Variants in ABI3BP observed in about 807,000 individuals in gnomAD.
ABI3BP encodes ABI family member 3 binding protein.
A neutral mutation model predicts 268.6 loss-of-function variants in ABI3BP; 216 were observed. That is an observed-to-expected ratio of 0.80 (90% CI 0.72 to 0.90). The LOEUF (loss-of-function observed/expected upper bound fraction) is 0.90, where lower values mean the gene tolerates loss of function less well. Among genes scored for constraint, ABI3BP ranks in the 40% least tolerant of loss-of-function variants. The probability of loss-of-function intolerance (pLI) is 0.00; values close to 1 mark genes in which losing one functional copy is unlikely to be tolerated. For synonymous variants in ABI3BP, 730 were observed against 730.0 expected, an observed-to-expected ratio of 1.00 and a Z score of 0.00; for missense variants, 2,090 against 2,182.4, an observed-to-expected ratio of 0.96 and a Z score of 0.84.
intron 60 of ABI3BP, 47 bp downstream of exon 60, chr3:100,775,160 T>A (rs1194398366): frequency 6.3e-7 from 1 of 1,590,652 alleles, no homozygotes; most frequent in East Asian, 2.2e-5. Flanking sequence ...TAAAATCTTT[T>A]GCACCTCACA....
At chr3:100,956,731 T>C (rs752965084) in intron 1 of ABI3BP, among the ~76,000 whole-genome samples, 4 of 151,902 alleles carry the variant, frequency 2.6e-5, no homozygotes, top group African/African-American at 4.8e-5. Context: ...CAATCTTTGA[T>C]AGATAGAGGA....
intron 57 of ABI3BP, 92 bp from the exon 58 acceptor site, chr3:100,780,301 G>A: frequency 8.3e-7 from 1 of 1,201,948 alleles, no homozygotes; most frequent in Non-Finnish European, 1.2e-6. Flanking sequence ...TACATTCTTT[G>A]CAGAGCAGGA....
intron 51 of ABI3BP, among the ~76,000 whole-genome samples, chr3:100,796,980 G>A (rs944312155): frequency 6.6e-6 from 1 of 152,018 alleles, no homozygotes; most frequent in Non-Finnish European, 1.5e-5. Context: ...CCGTTGCTGG[G>A]GGGAGAAAAT....
intron 17 of ABI3BP, 71 bp from the exon 18 acceptor site, chr3:100,848,946 T>C: frequency 7.4e-7 from 1 of 1,348,004 alleles, no homozygotes; most frequent in Middle Eastern, 1.8e-4. Context: ...GCCTGTAAAT[T>C]TGCAAACTCC....
At chr3:100,974,065 C>T (rs2084937678) in intron 1 of ABI3BP, among the ~76,000 whole-genome samples, 2 of 152,040 alleles carry the variant, frequency 1.3e-5, no homozygotes, top group African/African-American at 4.8e-5. Context: ...CTGACTCTTT[C>T]CTATTAGCAG....
At chr3:100,957,127 C>T (rs2077098272) in intron 1 of ABI3BP, among the ~76,000 whole-genome samples, 1 of 152,146 alleles carries the variant, frequency 6.6e-6, no homozygotes, top group East Asian at 1.9e-4. Flanking sequence ...ATTTAGGAAA[C>T]TATAGCAATA....
rs766536000 is a variant in ABI3BP, at chr3:100,862,282, C to T, written c.1285+29G>A. 9 of 1,469,316 alleles carry T rather than the reference C, an allele frequency of 6.1e-6. No individual in the cohort carries two copies. In the East Asian group the frequency reaches 1.2e-4, roughly 19 times the overall value. 91.0% of individuals were successfully genotyped at this position (1,469,316 alleles called of 1,614,324 possible). ...GTTACTCAATATTCCTTGTTATAATCGATTTTTTTAAGAAAAGGATTTAAT... is the reference window on the plus strand; with the variant it reads ...GTTACTCAATATTCCTTGTTATAATTGATTTTTTTAAGAAAAGGATTTAAT... On this transcript the variant is annotated intron_variant, in intron 14 of 67. Coordinates refer to ENST00000471714, the MANE Select transcript of ABI3BP (RefSeq NM_001375547.2).
chr3:100,955,038 G>A (rs1269956364), intron 1 of ABI3BP, among the ~76,000 whole-genome samples: 4 of 145,368 alleles, frequency 2.8e-5, no homozygotes, highest in Non-Finnish European at 3.0e-5. Context: ...GATTGGGCAG[G>A]GAAAGTAAGA....
chr3:100,933,366 C>G (rs1244320645), intron 1 of ABI3BP, among the ~76,000 whole-genome samples: 2 of 151,664 alleles, frequency 1.3e-5, no homozygotes, highest in African/African-American at 2.4e-5. Flanking sequence ...CTATTCTTAT[C>G]CATAGTGTGT....
intron 1 of ABI3BP, among the ~76,000 whole-genome samples, chr3:100,992,300 T>C (rs1443649020): frequency 6.6e-6 from 1 of 152,224 alleles, no homozygotes; most frequent in Non-Finnish European, 1.5e-5. Flanking sequence ...TGGGACAAGA[T>C]GATCCTGGGG....
chr3:100,920,873 G>C (rs1288295317), intron 2 of ABI3BP, among the ~76,000 whole-genome samples: 2 of 152,130 alleles, frequency 1.3e-5, no homozygotes, highest in Non-Finnish European at 2.9e-5. Flanking sequence ...TTGAACCCAG[G>C]TCTGTCTGAC....
chr3:100,945,323 G>T (rs2071593022), intron 1 of ABI3BP, among the ~76,000 whole-genome samples: 1 of 152,028 alleles, frequency 6.6e-6, no homozygotes, highest in South Asian at 2.1e-4. Context: ...AACAGCTCTA[G>T]TGAGATATAA....
chr3:100,795,498 G>C (rs2097319716), intron 53 of ABI3BP, among the ~76,000 whole-genome samples: 1 of 151,950 alleles, frequency 6.6e-6, no homozygotes, highest in Non-Finnish European at 1.5e-5. Context: ...TTACAGCTGA[G>C]AACCACTAAA....
At chr3:100,916,373 G>A (rs770674131) in intron 2 of ABI3BP, among the ~76,000 whole-genome samples, 2 of 152,196 alleles carry the variant, frequency 1.3e-5, no homozygotes, top group Non-Finnish European at 2.9e-5. Context: ...TAGGAGTGGG[G>A]AGTCAGGAAT....
chr3:100,936,913 C>G (rs1187658431), intron 1 of ABI3BP, among the ~76,000 whole-genome samples: 1 of 151,870 alleles, frequency 6.6e-6, no homozygotes, highest in African/African-American at 2.4e-5. Flanking sequence ...TTTTGTTGAT[C>G]TTTTCAAAGA....
At chr3:100,752,692 G>T in intron 66 of ABI3BP, 95 bp downstream of exon 66, 1 of 1,359,494 alleles carries the variant, frequency 7.4e-7, no homozygotes, top group Non-Finnish European at 1.0e-6. Flanking sequence ...GCACCCATTC[G>T]TGCCTGAAAC....
rs1222196794 is a variant in ABI3BP at position 100,803,129 on chromosome 3, C to G, written c.3757+1663G>C. 1.4e-5 allele frequency among the ~76,000 whole-genome samples: 2 copies of G among 146,042 alleles called. 1 individual carries two copies. The highest frequency in any genetic ancestry group is 3.1e-5 in the Non-Finnish European group (2 of 64,368). Reference sequence around the variant, plus strand: ...GAAACTTAACTCTGAACATGTGGAGCTGGAGAGGTGACAGAAGACCACTAA... The same window carrying G: ...GAAACTTAACTCTGAACATGTGGAGGTGGAGAGGTGACAGAAGACCACTAA... On this transcript the variant is annotated intron_variant, in intron 51 of 67. Coordinates refer to ENST00000471714, the MANE Select transcript of ABI3BP (RefSeq NM_001375547.2).
chr3:100,982,227 G>A (rs2089879414), intron 1 of ABI3BP, among the ~76,000 whole-genome samples: 1 of 152,088 alleles, frequency 6.6e-6, no homozygotes, highest in Non-Finnish European at 1.5e-5. Flanking sequence ...CACCCTCCAC[G>A]TGTGGGGATT....
chr3:100,864,501 TC>T (rs2153189622), intron 11 of ABI3BP: 1 of 320,750 alleles, frequency 3.1e-6, no homozygotes. Flanking sequence ...AGTCAAGACT[TC>T]CAGGTTTCCT....
Sources: allele counts gnomAD v4.1 joint callset (sites outside exome capture counted in the v4.1 genomes callset), GRCh38; gene constraint gnomAD v4.1.1; transcripts MANE v1.5; gene names NCBI Gene and HGNC (gene_info 2026-07-23, HGNC 2026-07-21).